Variants in ITPK1 observed in about 807,000 individuals in gnomAD.
ITPK1 encodes inositol-tetrakisphosphate 1-kinase.
ITPK1 carries 21 observed loss-of-function variants against 45.3 expected under a neutral mutation model. The observed-to-expected ratio is 0.46, with a 90% CI of 0.33 to 0.67. The LOEUF is 0.67. Ranked by LOEUF, ITPK1 falls within the 30% of genes least tolerant of loss-of-function variation. The pLI, the probability that ITPK1 is intolerant of heterozygous loss-of-function variation, is 0.02. For missense variants in ITPK1, 474 were observed against 573.5 expected (o/e 0.83, Z 1.77); for synonymous variants, 258 against 253.6 (o/e 1.02, Z -0.16).
At chr14:92,977,252 A>T (rs967240006) in intron 5 of ITPK1, among the ~76,000 whole-genome samples, 12 of 152,246 alleles carry the variant, frequency 7.9e-5, no homozygotes, top group Non-Finnish European at 1.6e-4. Flanking sequence ...TCTGCCATTT[A>T]AAACCATCCA....
At chr14:92,987,211 T>C (rs1371741146) in intron 5 of ITPK1, among the ~76,000 whole-genome samples, 1 of 152,206 alleles carries the variant, frequency 6.6e-6, no homozygotes, top group Non-Finnish European at 1.5e-5. Flanking sequence ...CAGGGACCCC[T>C]GCTGCAGCTA....
At chr14:93,037,012 C>T (rs1426735730) in intron 3 of ITPK1, 1 of 152,278 alleles carries the variant, frequency 6.6e-6, no homozygotes, top group Non-Finnish European at 1.5e-5. Flanking sequence ...CTGACCCTCA[C>T]TTATCAGGGC....
rs73333915 is a variant in ITPK1 at position 93,067,959 on chromosome 14, G to A, written c.120+8636C>T. On this transcript the variant is annotated intron_variant, in intron 3 of 10. Coordinates refer to ENST00000267615, the MANE Select transcript of ITPK1 (RefSeq NM_014216.6). ...CTTTTAAAAAAGGAAGGAGTAAGCT[G>A]GAATCCACAATTGTTAGAAACCCAA... 3.0e-3 allele frequency: 449 copies of A among 152,058 alleles called. 2 individuals carry two copies. Among genetic ancestry groups the A allele is most frequent in the African/African-American group, 0.01 (425 of 40,884 alleles). 9.4% of individuals were successfully genotyped at this position (152,058 alleles called of 1,614,324 possible). A position where few individuals can be genotyped will look rare whatever the true frequency, so the allele number is the denominator to read the frequency against.
At chr14:92,988,072 AGCCGAT>A (rs953110357) in intron 5 of ITPK1, among the ~76,000 whole-genome samples, 2 of 152,222 alleles carry the variant, frequency 1.3e-5, no homozygotes, top group African/African-American at 4.8e-5. Flanking sequence ...GGCAGACAAC[AGCCGAT>A]GTGAAAACAA....
rs1733054221 is a variant in ITPK1 at position 92,941,154 on chromosome 14, A to T, written c.*407T>A. ...TCTCACATGCACCGATCAGCCTCCC[A>T]CAGCCCGACATGGGCAGGCTTCCCC... On this transcript the variant is annotated 3_prime_UTR_variant, in exon 11 of 11. Coordinates refer to ENST00000267615, the MANE Select transcript of ITPK1 (RefSeq NM_014216.6). 1.1e-5 allele frequency: 13 copies of T among 1,209,302 alleles called. 1 individual carries two copies. The South Asian group carries it at 1.9e-4, about 18-fold the overall frequency. 74.9% of individuals were successfully genotyped at this position (1,209,302 alleles called of 1,614,324 possible).
intron 2 of ITPK1, among the ~76,000 whole-genome samples, chr14:93,086,622 C>T (rs1891660966): frequency 6.6e-6 from 1 of 152,192 alleles, no homozygotes; most frequent in Admixed American, 6.5e-5. Context: ...GGCGGGTGTG[C>T]CACAGGCCCT....
rs1227261085 is a variant in ITPK1 at position 93,097,185 on chromosome 14, G to A, written c.95+17884C>T. ...GATCACACACTCTGTGTGCAGACATGTTCCCAGGGCTTGACCCTCCCTGTA... is the reference window on the plus strand; with the variant it reads ...GATCACACACTCTGTGTGCAGACATATTCCCAGGGCTTGACCCTCCCTGTA... On this transcript the variant is annotated intron_variant, in intron 2 of 10. Coordinates refer to ENST00000267615, the MANE Select transcript of ITPK1 (RefSeq NM_014216.6). Among the ~76,000 whole-genome samples the A allele has an allele frequency of 2.0e-5, 3 of 152,194 alleles. No homozygotes were observed. In the East Asian group the frequency reaches 5.8e-4, roughly 29 times the overall value.
At chr14:92,984,791 T>C (rs981976878) in intron 5 of ITPK1, among the ~76,000 whole-genome samples, 2 of 152,238 alleles carry the variant, frequency 1.3e-5, no homozygotes, top group African/African-American at 2.4e-5. Context: ...ACTGGGGTGG[T>C]TGGGACACAG....
In ITPK1 at chr14:92,958,282, G is replaced by A. The variant is rs1250102301; in HGVS notation, c.589C>T (p.Leu197=). The change falls in exon 8 of 11, where the codon CTG becomes TTG. Residue 197 remains leucine, a synonymous_variant. Coordinates refer to ENST00000267615, the MANE Select transcript of ITPK1 (RefSeq NM_014216.6). This position sits in a 1 kb window ranked among gnomAD's most constrained non-coding sequence, Gnocchi z 4.4. ...VQNFINHNAV[L]YKVFVVGESY... is the part of the protein sequence containing the mutation. Reference sequence around the variant, plus strand: ...TCGCCAACCACGAACACCTTGTACAGGACGGCGTTGTGGTTGATGAAATTC... The same window carrying A: ...TCGCCAACCACGAACACCTTGTACAAGACGGCGTTGTGGTTGATGAAATTC... The A allele has an allele frequency of 6.2e-7, 1 of 1,613,868 alleles. No individual in the cohort carries two copies. Among genetic ancestry groups the A allele is most frequent in the South Asian group, 1.1e-5 (1 of 91,046 alleles).
At chr14:92,960,179 T>C (rs1268631035) in intron 7 of ITPK1, among the ~76,000 whole-genome samples, 1 of 152,106 alleles carries the variant, frequency 6.6e-6, no homozygotes, top group Non-Finnish European at 1.5e-5. Flanking sequence ...GACAGCCGGC[T>C]GGGGAGTAGA....
intron 4 of ITPK1, among the ~76,000 whole-genome samples, chr14:93,015,892 C>T (rs1282978968): frequency 6.6e-6 from 1 of 152,182 alleles, no homozygotes; most frequent in African/African-American, 2.4e-5. Flanking sequence ...AGCAGGGCAC[C>T]AAATCTGCGC....
intron 2 of ITPK1, among the ~76,000 whole-genome samples, chr14:93,098,703 C>T (rs1892188348): frequency 6.6e-6 from 1 of 152,192 alleles, no homozygotes. Flanking sequence ...GCGCTGGTCC[C>T]AGCTTCTGCC....
intron 4 of ITPK1, among the ~76,000 whole-genome samples, chr14:92,997,699 C>T (rs1887129783): frequency 6.6e-6 from 1 of 152,232 alleles, no homozygotes; most frequent in Admixed American, 6.5e-5. Flanking sequence ...ATTGTAAGCA[C>T]ATGTTCCCTC....
intron 3 of ITPK1, among the ~76,000 whole-genome samples, chr14:93,042,572 G>A (rs993279606): frequency 2.0e-5 from 3 of 152,202 alleles, no homozygotes; most frequent in Non-Finnish European, 2.9e-5. Context: ...CGGCTTTGAA[G>A]CAAAGATCCA....
intron 5 of ITPK1, among the ~76,000 whole-genome samples, chr14:92,982,639 C>A (rs183813090): frequency 1.3e-5 from 2 of 152,310 alleles, no homozygotes; most frequent in Non-Finnish European, 2.9e-5. Context: ...CCACACCATG[C>A]GGGCTTCTGA....
At chr14:93,067,945 G>T (rs934494052) in intron 3 of ITPK1, 1 of 151,440 alleles carries the variant, frequency 6.6e-6, no homozygotes, top group African/African-American at 2.5e-5. Context: ...TTTTAAAAAA[G>T]GAAGGAGTAA....
At chr14:93,009,052 C>T (rs762040747) in intron 4 of ITPK1, among the ~76,000 whole-genome samples, 2 of 152,082 alleles carry the variant, frequency 1.3e-5, no homozygotes, top group Non-Finnish European at 2.9e-5. Context: ...CAGGGAACAT[C>T]TGGAGACATT....
chr14:92,968,782 C>G (rs915755988), intron 5 of ITPK1, among the ~76,000 whole-genome samples: 1 of 152,158 alleles, frequency 6.6e-6, no homozygotes, highest in Non-Finnish European at 1.5e-5. Flanking sequence ...GCTGACCACA[C>G]TCTGAGCGGC....
At chr14:93,074,381 TAGTCTAAATCTTCCCA>T (rs2139979345) in intron 3 of ITPK1, among the ~76,000 whole-genome samples, 1 of 152,286 alleles carries the variant, frequency 6.6e-6, no homozygotes, top group South Asian at 2.1e-4. Context: ...TTAAAGATTT[TAGTCTAAATCTTCCCA>T]GAATGCCACA....
Sources: allele counts gnomAD v4.1 joint callset (sites outside exome capture counted in the v4.1 genomes callset), GRCh38; gene constraint gnomAD v4.1.1; non-coding constraint Gnocchi (gnomAD v3.1); transcripts MANE v1.5; gene names NCBI Gene and HGNC (gene_info 2026-07-23, HGNC 2026-07-21).